PCDHA4: variants seen among roughly 807,000 people sequenced by gnomAD.
PCDHA4 encodes protocadherin alpha-4.
Under a neutral mutation model 61.4 loss-of-function variants are expected in PCDHA4, and 49 were observed. The ratio of observed to expected loss-of-function variants is 0.80; its 90% confidence interval spans 0.63 to 1.01. PCDHA4 has a LOEUF of 1.01. Ranked by LOEUF, PCDHA4 falls within the 50% of genes least tolerant of loss-of-function variation. The probability of loss-of-function intolerance (pLI) is 0.00; values close to 1 mark genes in which losing one functional copy is unlikely to be tolerated. For missense variants in PCDHA4, 1,254 were observed against 1,235.8 expected (o/e 1.01, Z -0.22); for synonymous variants, 590 against 550.3 (o/e 1.07, Z -1.01).
chr5:140,969,822 G>A (rs559271640), intron 1 of PCDHA4, among the ~76,000 whole-genome samples: 68 of 152,320 alleles, frequency 4.5e-4, no homozygotes, highest in Non-Finnish European at 8.4e-4. Flanking sequence ...ACTCTGGACT[G>A]TCTACAGTGG....
intron 1 of PCDHA4, chr5:140,866,744 A>G (rs980107592): frequency 1.3e-5 from 2 of 152,180 alleles, no homozygotes; most frequent in African/African-American, 2.4e-5. Flanking sequence ...TAATACTTAT[A>G]TGACTAACAG....
rs782463268 is a variant in PCDHA4, at chr5:140,941,198, TCTTCCTTTCTTTCTTC to T, written c.2386-37747_2386-37732del. On this transcript the variant is annotated intron_variant, in intron 1 of 3. Transcript: ENST00000530339. ...AACATCCTGCTTCTTTTTTTTTCTTTCTTCCTTTCTTTCTTCCTTTCTTTCTTTCTTTCTTTCTTTC... is the reference window on the plus strand; with the variant it reads ...AACATCCTGCTTCTTTTTTTTTCTTTCTTTCTTTCTTTCTTTCTTTCTTTC... 2.9e-3 allele frequency among the ~76,000 whole-genome samples: 353 copies of T among 119,898 alleles called. 1 individual carries two copies. Among genetic ancestry groups the T allele is most frequent in the African/African-American group, 8.8e-3 (254 of 28,982 alleles). The allele number at this position is 119,898 out of a possible 152,430, so 78.7% of individuals were successfully genotyped here.
chr5:140,853,678 AC>A, intron 1 of PCDHA4: 1 of 988,418 alleles, frequency 1.0e-6, no homozygotes, highest in Non-Finnish European at 1.2e-6. Context: ...CCTATGGTCA[AC>A]CTATCCTTAG....
chr5:140,969,554 T>C (rs2096342030), intron 1 of PCDHA4: 12 of 1,222,074 alleles, frequency 9.8e-6, no homozygotes, highest in Non-Finnish European at 1.3e-5. Context: ...TGAAGCCTTG[T>C]CCATAAAATT....
intron 1 of PCDHA4, among the ~76,000 whole-genome samples, chr5:140,905,999 G>T (rs781796509): frequency 1.3e-5 from 2 of 152,140 alleles, no homozygotes; most frequent in Non-Finnish European, 2.9e-5. Flanking sequence ...AGGCTGGGAG[G>T]CTAAGCCAGT....
rs1290626143 is a variant in PCDHA4 at position 141,010,228 on chromosome 5, C to G, written c.*291C>G. On this transcript the variant is annotated 3_prime_UTR_variant, in exon 4 of 4. Transcript: ENST00000530339. ...CCGCAAAGGAGAGGCTTCCCAGCCC[C>G]GCCAGTGAGAGGTTGGACTCTCTGC... The G allele has an allele frequency of 1.1e-5, 17 of 1,551,916 alleles. No individual in the cohort carries two copies. Among genetic ancestry groups the G allele is most frequent in the Non-Finnish European group, 1.5e-5 (17 of 1,147,054 alleles).
At chr5:140,883,655 T>A (rs782178754) in intron 1 of PCDHA4, 7 of 1,613,000 alleles carry the variant, frequency 4.3e-6, no homozygotes, top group African/African-American at 1.3e-5. Context: ...GTACACGGTG[T>A]TCGTGAAGGA....
chr5:140,945,387 T>C (rs1249675973), intron 1 of PCDHA4, among the ~76,000 whole-genome samples: 1 of 152,102 alleles, frequency 6.6e-6, no homozygotes, highest in Non-Finnish European at 1.5e-5. Flanking sequence ...CAAAGCAATA[T>C]ACAAATTCAA....
chr5:140,937,835 C>T (rs782666689), intron 1 of PCDHA4, among the ~76,000 whole-genome samples: 3 of 151,520 alleles, frequency 2.0e-5, no homozygotes, highest in Non-Finnish European at 2.9e-5. Context: ...TGGCATGAAC[C>T]TGGAAGGCGG....
chr5:140,849,752 C>T, intron 1 of PCDHA4: 1 of 1,598,394 alleles, frequency 6.3e-7, no homozygotes. Flanking sequence ...AGAGTGTGTC[C>T]GCCTACGAGC....
chr5:140,824,621 T>TTG (rs1210454959), intron 1 of PCDHA4: 1 of 130,846 alleles, frequency 7.6e-6, no homozygotes, highest in Non-Finnish European at 1.6e-5. Context: ...TTTTTTTTTT[T>TTG]TTTTTTTTTT....
chr5:140,854,975 ATT>A (rs1554147536), intron 1 of PCDHA4, among the ~76,000 whole-genome samples: 1 of 149,964 alleles, frequency 6.7e-6, no homozygotes, highest in Non-Finnish European at 1.5e-5. Context: ...CAGAATTATA[ATT>A]AAGATTCTTT....
At position 140,896,169 on chromosome 5, in the gene PCDHA4, GT is replaced by G. The variant is rs1473218621; in HGVS notation, c.2386-82779del. Among the ~76,000 whole-genome samples, 40 of 152,274 alleles carry G rather than the reference GT, an allele frequency of 2.6e-4. 1 individual carries two copies. The East Asian group carries it at 5.2e-3, about 20-fold the overall frequency. ...TGATGGGCATTTAGGATTATTCTCT[GT>G]CTTTGCTATTGTGAATAGTGCCATG... is the stretch of plus-strand genomic sequence containing the variant. On this transcript the variant is annotated intron_variant, in intron 1 of 3. Transcript: ENST00000530339.
intron 1 of PCDHA4, among the ~76,000 whole-genome samples, chr5:140,922,606 T>C (rs1394298971): frequency 2.6e-5 from 4 of 152,176 alleles, no homozygotes; most frequent in African/African-American, 9.7e-5. Context: ...GTTGAAGATA[T>C]ATTAAAACTA....
chr5:140,904,150 C>T (rs1005130566), intron 1 of PCDHA4, among the ~76,000 whole-genome samples: 1 of 152,036 alleles, frequency 6.6e-6, no homozygotes, highest in Non-Finnish European at 1.5e-5. Context: ...GTATACATTG[C>T]ACCCAGTTTG....
chr5:140,931,314 A>G (rs782684940), intron 1 of PCDHA4, among the ~76,000 whole-genome samples: 3 of 152,176 alleles, frequency 2.0e-5, no homozygotes, highest in Non-Finnish European at 4.4e-5. Context: ...GGAGAATACC[A>G]GTAATGGCTG....
intron 3 of PCDHA4, among the ~76,000 whole-genome samples, chr5:140,991,053 A>G (rs2097429648): frequency 6.6e-6 from 1 of 152,220 alleles, no homozygotes; most frequent in Non-Finnish European, 1.5e-5. Context: ...TGAGAGAAGT[A>G]CATTATTATT....
chr5:140,882,583 C>A, intron 1 of PCDHA4: 1 of 1,614,232 alleles, frequency 6.2e-7, no homozygotes, highest in Non-Finnish European at 8.5e-7. Flanking sequence ...GCAGCATCCA[C>A]CTGGAGGTGA....
chr5:141,006,568 T>C (rs2098278532), intron 3 of PCDHA4, among the ~76,000 whole-genome samples: 1 of 152,110 alleles, frequency 6.6e-6, no homozygotes, highest in Non-Finnish European at 1.5e-5. Flanking sequence ...CTCTGGCTAC[T>C]GTGTGGAGGG....
Sources: allele counts gnomAD v4.1 joint callset (sites outside exome capture counted in the v4.1 genomes callset), GRCh38; gene constraint gnomAD v4.1.1; transcripts MANE v1.5; gene names NCBI Gene and HGNC (gene_info 2026-07-23, HGNC 2026-07-21).